Variants in AMOTL1 observed in about 807,000 individuals in gnomAD.
The protein encoded by AMOTL1 is angiomotin-like protein 1.
Under a neutral mutation model 102.9 loss-of-function variants are expected in AMOTL1, and 45 were observed. The ratio of observed to expected loss-of-function variants is 0.44; its 90% confidence interval spans 0.34 to 0.56. The LOEUF (loss-of-function observed/expected upper bound fraction) is 0.56, where lower values mean the gene tolerates loss of function less well. Ranked by LOEUF, AMOTL1 falls within the 20% of genes least tolerant of loss-of-function variation. The pLI, the probability that AMOTL1 is intolerant of heterozygous loss-of-function variation, is 0.01. For synonymous variants in AMOTL1, 481 were observed against 484.7 expected, an observed-to-expected ratio of 0.99 and a Z score of 0.10; for missense variants, 1,114 against 1,225.6, an observed-to-expected ratio of 0.91 and a Z score of 1.36.
At chr11:94,784,189 G>T (rs1951149483) in intron 1 of AMOTL1, among the ~76,000 whole-genome samples, 1 of 151,988 alleles carries the variant, frequency 6.6e-6, no homozygotes, top group Non-Finnish European at 1.5e-5. Context: ...GCTGCAGTTG[G>T]CCACTACAAC....
At chr11:94,780,295 C>T (rs1951091502) in intron 1 of AMOTL1, among the ~76,000 whole-genome samples, 1 of 152,176 alleles carries the variant, frequency 6.6e-6, no homozygotes, top group Non-Finnish European at 1.5e-5. Context: ...GGCCACTTAG[C>T]CCTTGACTTG....
intron 3 of AMOTL1, among the ~76,000 whole-genome samples, chr11:94,760,480 G>T (rs1250242900): frequency 6.6e-6 from 1 of 152,142 alleles, no homozygotes. Context: ...TAAGTTCCTG[G>T]AACTTTCTGA....
rs141033144 is a variant in AMOTL1 at position 94,792,087 on chromosome 11, T to C, written c.50-2924T>C. Among the ~76,000 whole-genome samples, 361 of 152,270 alleles carry C rather than the reference T, an allele frequency of 2.4e-3. 3 individuals are homozygous for C. The highest frequency in any genetic ancestry group is 8.4e-3 in the African/African-American group (349 of 41,538). On this transcript the variant is annotated intron_variant, in intron 1 of 12. Coordinates refer to ENST00000433060, the MANE Select transcript of AMOTL1 (RefSeq NM_130847.3). The stretch of plus-strand genomic sequence containing the variant: ...ACTCCTAGTAGAAGTCCATCAATGA[T>C]AGACTGGATTAAGAAAATGTGGCAC...
intron 1 of AMOTL1, among the ~76,000 whole-genome samples, chr11:94,777,669 A>G (rs1951044489): frequency 6.6e-6 from 1 of 152,244 alleles, no homozygotes; most frequent in South Asian, 2.1e-4. Context: ...TAAATTTAGT[A>G]ATTTATTTAG....
At chr11:94,800,404 G>A (rs1951455799) in intron 3 of AMOTL1, 93 bp downstream of exon 3, 2 of 1,378,854 alleles carry the variant, frequency 1.5e-6, no homozygotes, top group Non-Finnish European at 2.0e-6. Flanking sequence ...TTAGGTTTTT[G>A]TCATCAGGCT....
intron 1 of AMOTL1, among the ~76,000 whole-genome samples, chr11:94,790,994 T>G (rs1951276112): frequency 6.6e-6 from 1 of 152,216 alleles, no homozygotes; most frequent in Non-Finnish European, 1.5e-5. Context: ...CCGTTGTTAT[T>G]GCCACTCTTG....
intron 3 of AMOTL1, among the ~76,000 whole-genome samples, chr11:94,757,227 T>C (rs1366090770): frequency 6.6e-6 from 1 of 152,164 alleles, no homozygotes; most frequent in Non-Finnish European, 1.5e-5. Flanking sequence ...AACAGGTTAA[T>C]AATAGTTAAT....
At chr11:94,707,250 C>CTCTCTGTGTGTG (rs1338023479) in intron 1 of AMOTL1, among the ~76,000 whole-genome samples, 10 of 71,802 alleles carry the variant, frequency 1.4e-4, no homozygotes, top group African/African-American at 4.0e-4. Flanking sequence ...CTCTCTCTCT[C>CTCTCTGTGTGTG]TGTGTGTGTG....
rs763303913 is a variant in AMOTL1, at chr11:94,864,882, C to T, written c.2261+22C>T. On this transcript the variant is annotated intron_variant, in intron 10 of 12. Coordinates refer to ENST00000433060, the MANE Select transcript of AMOTL1 (RefSeq NM_130847.3). ...ACACGTAAGGGACGACTATGTGTGACGTGTGGGGCCCGCTGCATTCACACT... is the reference window on the plus strand; with the variant it reads ...ACACGTAAGGGACGACTATGTGTGATGTGTGGGGCCCGCTGCATTCACACT... The T allele has an allele frequency of 6.5e-5, 104 of 1,606,836 alleles. 1 individual carries two copies. The highest frequency in any genetic ancestry group is 4.2e-4 in the East Asian group (19 of 44,768).
intron 1 of AMOTL1, among the ~76,000 whole-genome samples, chr11:94,716,032 G>A (rs1950090776): frequency 6.6e-6 from 1 of 151,930 alleles, no homozygotes; most frequent in South Asian, 2.1e-4. Context: ...AGCCTCTGAG[G>A]CTCTGTTAAA....
intron 2 of AMOTL1, among the ~76,000 whole-genome samples, chr11:94,738,069 G>A (rs1256153968): frequency 1.3e-5 from 2 of 152,144 alleles, no homozygotes; most frequent in Non-Finnish European, 2.9e-5. Flanking sequence ...GGTGGGAAGA[G>A]GGAAAAGCCA....
At chr11:94,827,491 A>G (rs995553729) in intron 4 of AMOTL1, among the ~76,000 whole-genome samples, 4 of 152,238 alleles carry the variant, frequency 2.6e-5, no homozygotes, top group Non-Finnish European at 5.9e-5. Context: ...TCTGGGAGCC[A>G]TCTCTTTTGT....
intron 6 of AMOTL1, among the ~76,000 whole-genome samples, chr11:94,836,286 G>A (rs191154808): frequency 2.0e-5 from 3 of 152,320 alleles, no homozygotes; most frequent in Admixed American, 1.3e-4. Context: ...GTTGTCACAC[G>A]TGAACACACT....
chr11:94,727,756 A>G (rs1950284545), intron 1 of AMOTL1, among the ~76,000 whole-genome samples: 1 of 152,208 alleles, frequency 6.6e-6, no homozygotes, highest in African/African-American at 2.4e-5. Context: ...ACTCCCTTCC[A>G]AAATTTTTGG....
intron 1 of AMOTL1, among the ~76,000 whole-genome samples, chr11:94,713,413 A>T (rs756685609): frequency 1.5e-4 from 23 of 151,960 alleles, no homozygotes; most frequent in Admixed American, 3.9e-4. Context: ...CTATCTACAG[A>T]ACCTTGCTGG....
intron 1 of AMOTL1, among the ~76,000 whole-genome samples, chr11:94,769,802 T>G (rs1950918566): frequency 6.6e-6 from 1 of 152,134 alleles, no homozygotes; most frequent in Admixed American, 6.5e-5. Flanking sequence ...GTTTCCCATT[T>G]TCTTCTCCTG....
At chr11:94,841,200 G>GGAGGCT (rs1483045115) in intron 6 of AMOTL1, among the ~76,000 whole-genome samples, 10 of 152,244 alleles carry the variant, frequency 6.6e-5, no homozygotes, top group Non-Finnish European at 1.2e-4. Flanking sequence ...CAGCACTTTG[G>GGAGGCT]GAGGCTGAGG....
At chr11:94,784,554 C>T (rs2135537800) in intron 1 of AMOTL1, among the ~76,000 whole-genome samples, 1 of 152,286 alleles carries the variant, frequency 6.6e-6, no homozygotes, top group East Asian at 1.9e-4. Flanking sequence ...AAGTATTCTT[C>T]ACATTACTAA....
chr11:94,794,280 T>C (rs1213676021), intron 1 of AMOTL1, among the ~76,000 whole-genome samples: 1 of 152,218 alleles, frequency 6.6e-6, no homozygotes, highest in Non-Finnish European at 1.5e-5. Context: ...CCTGGGCCCG[T>C]CCTGCTGAAT....
Sources: allele counts gnomAD v4.1 joint callset (sites outside exome capture counted in the v4.1 genomes callset), GRCh38; gene constraint gnomAD v4.1.1; transcripts MANE v1.5; gene names NCBI Gene and HGNC (gene_info 2026-07-23, HGNC 2026-07-21).